Variants in ADD3 observed in about 807,000 individuals in gnomAD.
ADD3 encodes the protein adducin 3.
In ADD3, 25 loss-of-function variants were observed where a neutral mutation model predicts 80.2. The observed-to-expected ratio is 0.31, with a 90% CI of 0.23 to 0.44. The LOEUF is 0.44. ADD3 is among the 20% of genes least tolerant of loss of function. The probability of loss-of-function intolerance (pLI) is 1.00; values close to 1 mark genes in which losing one functional copy is unlikely to be tolerated. For synonymous variants in ADD3, 284 were observed against 289.6 expected (o/e 0.98, Z 0.20); for missense variants, 829 against 847.5 (o/e 0.98, Z 0.27).
chr10:110,081,428 T>C (rs1846045485), intron 1 of ADD3, among the ~76,000 whole-genome samples: 1 of 152,126 alleles, frequency 6.6e-6, no homozygotes, highest in East Asian at 1.9e-4. Context: ...CCACTGGTGA[T>C]TGGAACTTGG....
At chr10:109,996,693 C>T (rs1160112379) in intron 1 of ADD3, among the ~76,000 whole-genome samples, 2 of 152,192 alleles carry the variant, frequency 1.3e-5, no homozygotes, top group African/African-American at 4.8e-5. Flanking sequence ...AAGCCTTGCT[C>T]TGAAAGTTTA....
At chr10:110,071,980 C>T (rs1176694666) in intron 1 of ADD3, among the ~76,000 whole-genome samples, 1 of 152,200 alleles carries the variant, frequency 6.6e-6, no homozygotes, top group East Asian at 1.9e-4. Flanking sequence ...CTTTTTAAAT[C>T]CTGGATTACC....
At chr10:110,063,737 TTATATATA>T (rs139871560) in intron 1 of ADD3, among the ~76,000 whole-genome samples, 1,535 of 64,468 alleles carry the variant, frequency 0.024, 31 homozygotes, top group Non-Finnish European at 0.03. Context: ...TATATATTCA[TTATATATA>T]TATATATATA....
chr10:110,118,591 A>T lies in ADD3; in HGVS notation c.572A>T (p.Lys191Ile). Residue 191 changes from lysine to isoleucine, a missense_variant, in exon 6 of 15, where the codon AAA becomes ATA. By Grantham distance (102) the Lys-to-Ile change is moderately radical (BLOSUM62 -3). Transcript: ENST00000356080. ...FSEATASNLV[K>I]VNIIGEVVDQ... is the part of the protein sequence containing the mutation. ...TGTCCTTCTGATTTTTTCCAGGTGA[A>T]AGTCAATATAATAGGAGAAGTGGTT... is the stretch of plus-strand genomic sequence containing the variant. 2 of 1,613,826 alleles carry T rather than the reference A, an allele frequency of 1.2e-6. No homozygotes were observed. Among genetic ancestry groups the T allele is most frequent in the Non-Finnish European group, 1.7e-6 (2 of 1,179,740 alleles).
chr10:110,132,621 G>A (rs199911944), intron 14 of ADD3: 37 of 481,898 alleles, frequency 7.7e-5, no homozygotes, highest in Middle Eastern at 5.7e-4. Context: ...TTGGCAACCC[G>A]CAGTTCTTAA....
At chr10:110,052,744 A>G (rs1857665221) in intron 1 of ADD3, among the ~76,000 whole-genome samples, 1 of 152,210 alleles carries the variant, frequency 6.6e-6, no homozygotes, top group South Asian at 2.1e-4. Flanking sequence ...GAATAGTTTT[A>G]TTTTTAAGCC....
intron 1 of ADD3, among the ~76,000 whole-genome samples, chr10:110,095,500 C>A (rs891078480): frequency 6.6e-6 from 1 of 152,160 alleles, no homozygotes; most frequent in Non-Finnish European, 1.5e-5. Context: ...CTTTCACTTA[C>A]AATGTTTTCA....
chr10:110,104,415 T>TA (rs1849189786), intron 2 of ADD3, among the ~76,000 whole-genome samples: 1 of 152,208 alleles, frequency 6.6e-6, no homozygotes, highest in South Asian at 2.1e-4. Context: ...GCTTTCTTCT[T>TA]ACAGAAGTTT....
upstream of ADD3, among the ~76,000 whole-genome samples, chr10:110,005,223 G>A (rs1391913732): frequency 1.3e-5 from 2 of 151,862 alleles, no homozygotes; most frequent in Non-Finnish European, 2.9e-5. Context: ...CACCACGCCC[G>A]GCTAATTTTT....
At chr10:110,072,411 G>C (rs1844839595) in intron 1 of ADD3, among the ~76,000 whole-genome samples, 1 of 152,170 alleles carries the variant, frequency 6.6e-6, no homozygotes, top group South Asian at 2.1e-4. Context: ...CCTGGTCTAG[G>C]TCCTGAGGGG....
intron 1 of ADD3, among the ~76,000 whole-genome samples, chr10:110,011,786 T>A (rs1311060734): frequency 2.0e-5 from 3 of 152,276 alleles, no homozygotes; most frequent in Admixed American, 2.0e-4. Context: ...TAATACTTTA[T>A]GTCTTCTTTG....
chr10:110,068,864 C>A (rs968092706), intron 1 of ADD3, among the ~76,000 whole-genome samples: 1 of 151,960 alleles, frequency 6.6e-6, no homozygotes, highest in South Asian at 2.1e-4. Context: ...ATCACTTGAG[C>A]GCAGGAGTTT....
At chr10:110,088,623 T>C (rs1475402359) in intron 1 of ADD3, among the ~76,000 whole-genome samples, 1 of 152,218 alleles carries the variant, frequency 6.6e-6, no homozygotes, top group South Asian at 2.1e-4. Flanking sequence ...TTGAGTTGCC[T>C]ACAGTTTTTG....
At chr10:110,094,937 CTT>C (rs1278961034) in intron 1 of ADD3, among the ~76,000 whole-genome samples, 5 of 152,178 alleles carry the variant, frequency 3.3e-5, no homozygotes, top group African/African-American at 1.2e-4. Context: ...ACAGCCATCT[CTT>C]TGCTTATTCT....
At chr10:110,127,468 T>G (rs529952508) in intron 12 of ADD3, among the ~76,000 whole-genome samples, 2 of 152,198 alleles carry the variant, frequency 1.3e-5, no homozygotes, top group Admixed American at 1.3e-4. Flanking sequence ...AATACAAAAA[T>G]TAGCTGTGCG....
At position 110,134,781 on chromosome 10, in the gene ADD3, GAT is replaced by G. The variant is rs1853475348; in HGVS notation, c.*1166_*1167del. The G allele has an allele frequency of 1.3e-5, 2 of 152,574 alleles. No individual in the cohort carries two copies. Among genetic ancestry groups the G allele is most frequent in the South Asian group, 2.1e-4 (1 of 4,830 alleles). 9.5% of individuals were successfully genotyped at this position (152,574 alleles called of 1,614,324 possible). ...GCCAAAAGCAATGTCTTTCTTGGTT[GAT>G]ATTTGAGTTTTAAAAGGGTCAAATC... is the stretch of plus-strand genomic sequence containing the variant. On this transcript the variant is annotated 3_prime_UTR_variant, in exon 15 of 15. Transcript: ENST00000356080.
chr10:110,059,317 C>A (rs1014781814), intron 1 of ADD3, among the ~76,000 whole-genome samples: 4 of 152,106 alleles, frequency 2.6e-5, no homozygotes, highest in African/African-American at 9.7e-5. Context: ...ACTAAAAATA[C>A]AAAAATTAGC....
intron 1 of ADD3, among the ~76,000 whole-genome samples, chr10:110,071,962 A>G (rs1844773202): frequency 6.6e-6 from 1 of 152,226 alleles, no homozygotes; most frequent in Admixed American, 6.5e-5. Context: ...CCTTTTCTAT[A>G]ATTCTTCCTT....
chr10:110,130,120 A>G (rs939809042), intron 12 of ADD3, among the ~76,000 whole-genome samples: 4 of 152,206 alleles, frequency 2.6e-5, no homozygotes, highest in African/African-American at 9.7e-5. Context: ...ATTAAGATTT[A>G]CTTATACAGG....
Sources: allele counts gnomAD v4.1 joint callset (sites outside exome capture counted in the v4.1 genomes callset), GRCh38; gene constraint gnomAD v4.1.1; transcripts MANE v1.5; gene names NCBI Gene and HGNC (gene_info 2026-07-23, HGNC 2026-07-21).